Variants in TPTE observed in about 807,000 individuals in gnomAD.
The protein encoded by TPTE is transmembrane phosphatase with tensin homology.
A neutral mutation model predicts 84.1 loss-of-function variants in TPTE; 59 were observed. The ratio of observed to expected loss-of-function variants is 0.70; its 90% CI spans 0.57 to 0.87. The LOEUF (loss-of-function observed/expected upper bound fraction) is 0.87, where lower values mean the gene tolerates loss of function less well. Ranked by LOEUF, TPTE falls within the 40% of genes least tolerant of loss-of-function variation. The pLI, the probability that TPTE is intolerant of heterozygous loss-of-function variation, is 0.00. For missense variants in TPTE, 382 were observed against 659.6 expected, an observed-to-expected ratio of 0.58 and a Z score of 4.61; for synonymous variants, 130 against 223.5, an observed-to-expected ratio of 0.58 and a Z score of 3.73.
At chr21:10,540,805 A>G (rs2074355590) in intron 4 of TPTE, 1 of 539,526 alleles carries the variant, frequency 1.9e-6, no homozygotes, top group South Asian at 1.4e-5. Flanking sequence ...ATAAGAAGGG[A>G]GACTCAGGAA....
chr21:10,604,754 T>C (rs1481462080), intron 23 of TPTE, among the ~76,000 whole-genome samples: 8 of 152,292 alleles, frequency 5.3e-5, no homozygotes, highest in Non-Finnish European at 1.0e-4. Context: ...TTTTTTTTCC[T>C]TTAAAACACT....
At chr21:10,554,883 C>G (rs1600893249) in intron 8 of TPTE, among the ~76,000 whole-genome samples, 1 of 152,308 alleles carries the variant, frequency 6.6e-6, no homozygotes, top group South Asian at 2.1e-4. Flanking sequence ...CATGTCATCC[C>G]TCTGTATTGT....
intron 14 of TPTE, among the ~76,000 whole-genome samples, chr21:10,572,220 C>G (rs866554510): frequency 6.6e-6 from 1 of 152,256 alleles, no homozygotes; most frequent in Admixed American, 6.5e-5. Context: ...GAGGCTGAGG[C>G]GGGTGGATCA....
intron 5 of TPTE, 112 bp downstream of exon 5, chr21:10,541,277 G>A (rs1338321308): frequency 1.4e-6 from 2 of 1,461,116 alleles, no homozygotes; most frequent in African/African-American, 2.8e-5. Flanking sequence ...TTCGAGACCA[G>A]GCTGGCAAAC....
chr21:10,584,977 T>TCC (rs2075336785), intron 17 of TPTE, among the ~76,000 whole-genome samples: 1 of 152,308 alleles, frequency 6.6e-6, no homozygotes, highest in South Asian at 2.1e-4. Context: ...ACACCTGTAA[T>TCC]CCCAGCACTT....
chr21:10,525,967 G>C (rs867410172), intron 2 of TPTE, among the ~76,000 whole-genome samples: 5 of 152,312 alleles, frequency 3.3e-5, no homozygotes, highest in African/African-American at 1.2e-4. Context: ...TTCCTCAGTA[G>C]AGGATGTCTG....
At chr21:10,554,536 TTC>T (rs2074641147) in intron 8 of TPTE, among the ~76,000 whole-genome samples, 1 of 152,312 alleles carries the variant, frequency 6.6e-6, no homozygotes. Flanking sequence ...ATTTATCCTT[TTC>T]TGTCTTTGGA....
intron 10 of TPTE, among the ~76,000 whole-genome samples, chr21:10,566,562 T>G (rs1241397703): frequency 6.6e-6 from 1 of 152,310 alleles, no homozygotes; most frequent in Non-Finnish European, 1.5e-5. Flanking sequence ...ATTCCCTTTT[T>G]GTTGCAGCAC....
At chr21:10,587,292 T>G (rs566064892) in intron 17 of TPTE, among the ~76,000 whole-genome samples, 83 of 152,292 alleles carry the variant, frequency 5.5e-4, no homozygotes, top group African/African-American at 1.7e-3. Context: ...ATGCTGAGGT[T>G]TGGGGTATGA....
intron 23 of TPTE, among the ~76,000 whole-genome samples, chr21:10,603,931 A>G (rs1429909003): frequency 1.3e-5 from 2 of 152,308 alleles, no homozygotes; most frequent in African/African-American, 2.4e-5. Flanking sequence ...GAAGTTCAAT[A>G]TGAGGCTGCT....
chr21:10,602,303 T>A (rs936916254), intron 22 of TPTE, among the ~76,000 whole-genome samples, 153 bp downstream of exon 22: 1 of 152,312 alleles, frequency 6.6e-6, no homozygotes, highest in South Asian at 2.1e-4. Context: ...AGAGCGTATG[T>A]AATTTAAATA....
In TPTE at chr21:10,541,335, G is replaced by T. The variant is rs1318273782; in HGVS notation, c.65+170G>T. On this transcript the variant is annotated intron_variant, in intron 5 of 23. Coordinates refer to ENST00000618007, the MANE Select transcript of TPTE (RefSeq NM_199261.4). ...AAAACTACAAGAACTAGCCAGGTGTGGTGGCAGGTGCCTCTAATCCCAGCT... is the reference window on the plus strand; with the variant it reads ...AAAACTACAAGAACTAGCCAGGTGTTGTGGCAGGTGCCTCTAATCCCAGCT... Among the ~76,000 whole-genome samples, 4 of 152,424 alleles carry T rather than the reference G, an allele frequency of 2.6e-5. No homozygotes were observed. In the South Asian group the frequency reaches 8.3e-4, roughly 32 times the overall value.
Position 10,569,680 on chromosome 21 carries a change from C to G in TPTE, c.667-3C>G, listed in dbSNP as rs761038081. 6.2e-7 allele frequency: 1 copy of G among 1,614,030 alleles called. No homozygotes were observed. The highest frequency in any genetic ancestry group is 1.1e-5 in the South Asian group (1 of 91,080). On this transcript the variant is annotated splice_region_variant and splice_polypyrimidine_tract_variant and intron_variant, in intron 12 of 23. Transcript: ENST00000618007. ...CAAACTAATGACGATTTTAAACTGT[C>G]AGGTTTCAGAAAACAAAAGGCGATA...
At chr21:10,525,951 G>C (rs1365968074) in intron 2 of TPTE, among the ~76,000 whole-genome samples, 5 of 152,308 alleles carry the variant, frequency 3.3e-5, no homozygotes, top group African/African-American at 1.2e-4. Context: ...GTGTCTTCCA[G>C]TTCTCTTCCT....
At chr21:10,544,174 C>T (rs2074423699) in intron 7 of TPTE, among the ~76,000 whole-genome samples, 1 of 151,652 alleles carries the variant, frequency 6.6e-6, no homozygotes, top group South Asian at 2.1e-4. Context: ...GCTCAAGAAA[C>T]CTTGCAAAAT....
chr21:10,585,358 G>T (rs2075345616), intron 17 of TPTE, among the ~76,000 whole-genome samples: 2 of 152,252 alleles, frequency 1.3e-5, no homozygotes, highest in Admixed American at 6.5e-5. Context: ...TCTTTGAGAT[G>T]ATAATTTTTC....
At chr21:10,541,494 G>GCACACA (rs71250996) in intron 5 of TPTE, among the ~76,000 whole-genome samples, 121 of 151,822 alleles carry the variant, frequency 8.0e-4, no homozygotes, top group Non-Finnish European at 1.2e-3. Flanking sequence ...AAAAAAAGAT[G>GCACACA]CACACACACA....
Position 10,528,584 on chromosome 21 carries a change from A to G in TPTE, c.-44+1172A>G, listed in dbSNP as rs1196961929. 7.2e-5 allele frequency among the ~76,000 whole-genome samples: 11 copies of G among 152,428 alleles called. No individual in the cohort carries two copies. In the South Asian group the frequency reaches 2.1e-3, roughly 29 times the overall value. ...TTGAAGTAAAATGCAGCAACCTTAC[A>G]TAGAGCTTTATAATAAGCTTCATGT... On this transcript the variant is annotated intron_variant, in intron 3 of 23. Coordinates refer to ENST00000618007, the MANE Select transcript of TPTE (RefSeq NM_199261.4).
chr21:10,581,903 T>G (rs1192928487), intron 17 of TPTE, among the ~76,000 whole-genome samples: 1 of 152,306 alleles, frequency 6.6e-6, no homozygotes, highest in Non-Finnish European at 1.5e-5. Context: ...CCTGGCTAAT[T>G]TTTGTATTTT....
Sources: gnomAD v4.1 joint callset for allele counts (sites outside exome capture counted in the v4.1 genomes callset) on GRCh38, gnomAD v4.1.1 for gene constraint, MANE v1.5 for transcripts, NCBI Gene and HGNC (gene_info 2026-07-23, HGNC 2026-07-21) for gene names.